The following NCK2 variants were observed in gnomAD, a reference collection of about 807,000 sequenced individuals.
NCK2 encodes NCK adaptor protein 2, also known as cytoplasmic protein NCK2.
A neutral mutation model predicts 33.9 loss-of-function variants in NCK2; 16 were observed. The observed-to-expected ratio is 0.47, with a 90% CI of 0.32 to 0.72. NCK2 has a LOEUF of 0.72. Ranked by LOEUF, NCK2 falls within the 30% of genes least tolerant of loss-of-function variation. The pLI is 0.03. For synonymous variants in NCK2, 273 were observed against 239.9 expected (o/e 1.14, Z -1.27); for missense variants, 418 against 537.3 (o/e 0.78, Z 2.19).
At chr2:105,886,901 A>G (rs1358369957) in intron 4 of NCK2, among the ~76,000 whole-genome samples, 3 of 152,226 alleles carry the variant, frequency 2.0e-5, no homozygotes, top group Non-Finnish European at 4.4e-5. Flanking sequence ...TCATTTATGT[A>G]AATAAGATTA....
At chr2:105,877,695 C>A (rs762158229) in intron 3 of NCK2, among the ~76,000 whole-genome samples, 2 of 152,170 alleles carry the variant, frequency 1.3e-5, no homozygotes, top group Non-Finnish European at 2.9e-5. Context: ...AGTTTCATTT[C>A]CTATAGAAAT....
At chr2:105,825,737 G>A (rs1431984716) in intron 2 of NCK2, among the ~76,000 whole-genome samples, 1 of 152,202 alleles carries the variant, frequency 6.6e-6, no homozygotes, top group Non-Finnish European at 1.5e-5. Flanking sequence ...AAGGCACAGA[G>A]GGATGGGAAA....
chr2:105,861,899 T>C (rs1677549460), intron 3 of NCK2, among the ~76,000 whole-genome samples: 1 of 127,512 alleles, frequency 7.8e-6, no homozygotes, highest in Non-Finnish European at 1.6e-5. Context: ...GGCCTGGAAT[T>C]CTTTCCTCCC....
chr2:105,833,806 C>T (rs933126301), intron 2 of NCK2, among the ~76,000 whole-genome samples: 5 of 152,124 alleles, frequency 3.3e-5, no homozygotes, highest in African/African-American at 1.2e-4. Context: ...AAACATCCCT[C>T]TTAGCACTGC....
intron 2 of NCK2, among the ~76,000 whole-genome samples, chr2:105,852,113 G>C (rs1235378561): frequency 1.3e-5 from 2 of 152,078 alleles, no homozygotes; most frequent in Non-Finnish European, 2.9e-5. Flanking sequence ...TGGGCGGGTC[G>C]GGGAGGGGAG....
intron 2 of NCK2, among the ~76,000 whole-genome samples, chr2:105,822,839 T>A (rs1054611349): frequency 6.6e-6 from 1 of 151,994 alleles, no homozygotes; most frequent in Admixed American, 6.5e-5. Context: ...CTCCCCTGAA[T>A]TGTATAGCAG....
At chr2:105,848,891 A>T (rs1319031254) in intron 2 of NCK2, among the ~76,000 whole-genome samples, 1 of 152,232 alleles carries the variant, frequency 6.6e-6, no homozygotes, top group Non-Finnish European at 1.5e-5. Flanking sequence ...TTGAAAATCA[A>T]GGTAGGGATG....
At chr2:105,845,088 A>G (rs1676804770) in intron 2 of NCK2, among the ~76,000 whole-genome samples, 1 of 152,126 alleles carries the variant, frequency 6.6e-6, no homozygotes, top group African/African-American at 2.4e-5. Flanking sequence ...GGCTTTCTAT[A>G]ATCCACTCTC....
At chr2:105,853,731 C>T (rs1170609642) in intron 2 of NCK2, 2 of 152,146 alleles carry the variant, frequency 1.3e-5, no homozygotes, top group African/African-American at 4.8e-5. Context: ...GGTTTGACTC[C>T]TAATATTAAG....
At position 105,879,670 on chromosome 2, in the gene NCK2, G is replaced by A. The variant is rs149991314; in HGVS notation, c.227-1658G>A. On this transcript the variant is annotated intron_variant, in intron 3 of 4. Coordinates refer to ENST00000233154, the MANE Select transcript of NCK2 (RefSeq NM_003581.5). ...GTGGCCTCACATGCCTCCTGGCGCC[G>A]CGTGGGCACATGTCCCAGGGTAGTG... is the stretch of plus-strand genomic sequence containing the variant. Among the ~76,000 whole-genome samples, 366 of 152,374 alleles carry A rather than the reference G, an allele frequency of 2.4e-3. 1 individual carries two copies. Among genetic ancestry groups the A allele is most frequent in the African/African-American group, 7.7e-3 (322 of 41,582 alleles).
intron 1 of NCK2, among the ~76,000 whole-genome samples, chr2:105,816,102 C>T (rs938528217): frequency 6.6e-6 from 1 of 152,052 alleles, no homozygotes; most frequent in Admixed American, 6.5e-5. Context: ...GGTCTTTAGG[C>T]ACAGAGCAGC....
intron 1 of NCK2, among the ~76,000 whole-genome samples, chr2:105,757,485 C>G (rs1179117658): frequency 6.6e-6 from 1 of 152,136 alleles, no homozygotes; most frequent in Admixed American, 6.5e-5. Flanking sequence ...AGAAAGGCTA[C>G]GTTGTTCATC....
intron 1 of NCK2, among the ~76,000 whole-genome samples, chr2:105,806,240 T>A (rs1391970575): frequency 7.3e-4 from 49 of 67,182 alleles, no homozygotes; most frequent in African/African-American, 1.5e-3. Flanking sequence ...TTTTCTTTCT[T>A]TTTTTTTTTT....
At chr2:105,797,661 G>T (rs1691131316) in intron 1 of NCK2, among the ~76,000 whole-genome samples, 1 of 152,186 alleles carries the variant, frequency 6.6e-6, no homozygotes, top group South Asian at 2.1e-4. Context: ...GAAGTGGCTG[G>T]ATTTGCAGCG....
chr2:105,803,099 C>T (rs1674902444), intron 1 of NCK2, among the ~76,000 whole-genome samples: 1 of 152,046 alleles, frequency 6.6e-6, no homozygotes, highest in Non-Finnish European at 1.5e-5. Context: ...TATAGTTCCC[C>T]TAGCTTTGAA....
rs755440418 is a variant in NCK2, at chr2:105,881,706, C to T, written c.605C>T (p.Thr202Met). 1.2e-6 allele frequency: 2 copies of T among 1,614,198 alleles called. No individual in the cohort carries two copies. Among genetic ancestry groups the T allele is most frequent in the Non-Finnish European group, 1.7e-6 (2 of 1,180,032 alleles). The change falls in exon 4 of 5, where the codon ACG becomes ATG. Residue 202 changes from threonine to methionine, a missense_variant. Thr to Met is a moderately conservative substitution (Grantham distance 81). Coordinates refer to ENST00000233154, the MANE Select transcript of NCK2 (RefSeq NM_003581.5). ...QGSRVLHVVQ[T>M]LYPFSSVTEE... ...TCCCGCGTGCTGCATGTGGTCCAGACGCTGTACCCCTTCAGCTCAGTCACC... is the reference window on the plus strand; with the variant it reads ...TCCCGCGTGCTGCATGTGGTCCAGATGCTGTACCCCTTCAGCTCAGTCACC...
At chr2:105,830,826 A>G (rs1573171824) in intron 2 of NCK2, among the ~76,000 whole-genome samples, 1 of 151,910 alleles carries the variant, frequency 6.6e-6, no homozygotes, top group African/African-American at 2.4e-5. Flanking sequence ...CTTATTGGCC[A>G]TTTGTATATC....
chr2:105,805,285 G>A (rs1674991335), intron 1 of NCK2, among the ~76,000 whole-genome samples: 1 of 152,166 alleles, frequency 6.6e-6, no homozygotes, highest in Admixed American at 6.5e-5. Context: ...GCAGACGCGA[G>A]GGCAAAGAGT....
intron 1 of NCK2, among the ~76,000 whole-genome samples, chr2:105,773,600 A>T (rs962702128): frequency 1.3e-5 from 2 of 152,210 alleles, no homozygotes; most frequent in Middle Eastern, 6.8e-3. Context: ...ATACCATAGT[A>T]TCCCTTTGAC....
Sources: allele counts gnomAD v4.1 joint callset (sites outside exome capture counted in the v4.1 genomes callset), GRCh38; gene constraint gnomAD v4.1.1; transcripts MANE v1.5; gene names NCBI Gene and HGNC (gene_info 2026-07-23, HGNC 2026-07-21).